Variants in CNBD1 observed in about 807,000 individuals in gnomAD.
CNBD1 encodes the protein cyclic nucleotide binding domain containing 1, also known as cyclic nucleotide-binding domain-containing protein 1.
Under a neutral mutation model 54.4 loss-of-function variants are expected in CNBD1, and 71 were observed. The ratio of observed to expected loss-of-function variants is 1.30; its 90% CI spans 1.08 to 1.59. CNBD1 has a LOEUF of 1.59. CNBD1 is among the 40% of genes most tolerant of loss of function. The pLI is 0.00. For synonymous variants in CNBD1, 182 were observed against 170.7 expected (o/e 1.07, Z -0.51); for missense variants, 659 against 518.0 (o/e 1.27, Z -2.64).
intron 6 of CNBD1, among the ~76,000 whole-genome samples, chr8:87,256,518 A>T (rs781261535): frequency 4.6e-5 from 7 of 151,908 alleles, no homozygotes; most frequent in Non-Finnish European, 7.4e-5. Context: ...ACTGATACAG[A>T]TGAAGTGCCT....
At chr8:87,000,931 A>C (rs1586190488) in intron 4 of CNBD1, among the ~76,000 whole-genome samples, 2 of 152,108 alleles carry the variant, frequency 1.3e-5, no homozygotes, top group African/African-American at 4.8e-5. Context: ...TTTTCCTGCT[A>C]CCTGCTGTTT....
At chr8:87,344,226 AG>A (rs1810124400) in intron 8 of CNBD1, among the ~76,000 whole-genome samples, 1 of 152,102 alleles carries the variant, frequency 6.6e-6, no homozygotes, top group East Asian at 1.9e-4. Context: ...ATCAATAGGA[AG>A]AAAATATGGG....
chr8:87,363,637 G>A (rs895981782), intron 10 of CNBD1, among the ~76,000 whole-genome samples: 4 of 151,356 alleles, frequency 2.6e-5, no homozygotes, highest in African/African-American at 9.7e-5. Flanking sequence ...ATGTTTGTTA[G>A]CTGCTAAATG....
intron 2 of CNBD1, among the ~76,000 whole-genome samples, chr8:87,412,388 A>G (rs1807760989): frequency 6.6e-6 from 1 of 152,120 alleles, no homozygotes; most frequent in African/African-American, 2.4e-5. Flanking sequence ...TGGTTACTCG[A>G]TATGACCAGG....
intron 3 of CNBD1, among the ~76,000 whole-genome samples, chr8:86,937,575 T>C (rs190806082): frequency 6.6e-6 from 1 of 152,312 alleles, no homozygotes; most frequent in Admixed American, 6.5e-5. Context: ...AATTTTTGAC[T>C]TCTGTGCACC....
chr8:87,275,487 A>G (rs185655368), intron 6 of CNBD1, among the ~76,000 whole-genome samples: 1 of 151,488 alleles, frequency 6.6e-6, no homozygotes, highest in East Asian at 1.9e-4. Context: ...AGGAGGTCCA[A>G]TAGATGCAGA....
At chr8:87,193,253 A>G (rs1486600881) in intron 4 of CNBD1, among the ~76,000 whole-genome samples, 1 of 152,236 alleles carries the variant, frequency 6.6e-6, no homozygotes, top group Non-Finnish European at 1.5e-5. Context: ...GACCAATATT[A>G]AAAGAATGTG....
chr8:87,079,041 A>G (rs1037209420), intron 4 of CNBD1, among the ~76,000 whole-genome samples: 5 of 146,496 alleles, frequency 3.4e-5, no homozygotes, highest in African/African-American at 7.4e-5. Flanking sequence ...GACCCAGGAA[A>G]CTACCAATTT....
intron 4 of CNBD1, among the ~76,000 whole-genome samples, chr8:86,975,946 C>T (rs1223577903): frequency 6.6e-6 from 1 of 151,810 alleles, no homozygotes; most frequent in African/African-American, 2.4e-5. Context: ...GGTGATATTT[C>T]ATTTTGGTTT....
rs181514049 is a variant in CNBD1, at chr8:86,990,897, G to A, written c.431+51143G>A. Among the ~76,000 whole-genome samples the A allele has an allele frequency of 2.4e-3, 363 of 152,010 alleles. 2 individuals are homozygous for A. Among genetic ancestry groups the A allele is most frequent in the African/African-American group, 8.5e-3 (353 of 41,494 alleles). On this transcript the variant is annotated intron_variant, in intron 4 of 10. Coordinates refer to ENST00000518476, the MANE Select transcript of CNBD1 (RefSeq NM_173538.3). ...ATGTTTTATAGTTTTCATTTTAGAGGTCTTTCACTCTTTGGTAAATTTCTA... is the reference window on the plus strand; with the variant it reads ...ATGTTTTATAGTTTTCATTTTAGAGATCTTTCACTCTTTGGTAAATTTCTA...
intron 4 of CNBD1, among the ~76,000 whole-genome samples, chr8:87,108,738 C>T (rs1811596820): frequency 6.6e-6 from 1 of 152,002 alleles, no homozygotes; most frequent in African/African-American, 2.4e-5. Flanking sequence ...GGTTACTTAC[C>T]TTTTCTTTAC....
intron 8 of CNBD1, among the ~76,000 whole-genome samples, chr8:87,336,678 C>T (rs1586025637): frequency 1.3e-5 from 2 of 152,242 alleles, no homozygotes; most frequent in East Asian, 3.9e-4. Flanking sequence ...TATTACCCAC[C>T]TTCTGAAGCC....
In CNBD1 at chr8:87,301,930, T is replaced by A. The variant is rs553101613; in HGVS notation, c.1042+15259T>A. Among the ~76,000 whole-genome samples, 111 of 152,230 alleles carry A rather than the reference T, an allele frequency of 7.3e-4. 1 individual carries two copies. Among genetic ancestry groups the A allele is most frequent in the Non-Finnish European group, 9.4e-4 (64 of 68,018 alleles). ...CTCGACACATATACCCGCCCAAGAT[T>A]AAACCAGGAAGAATTTGAATCTCTG... On this transcript the variant is annotated intron_variant, in intron 8 of 10. Coordinates refer to ENST00000518476, the MANE Select transcript of CNBD1 (RefSeq NM_173538.3).
intron 4 of CNBD1, among the ~76,000 whole-genome samples, chr8:87,134,942 A>G (rs1337120443): frequency 6.6e-6 from 1 of 152,082 alleles, no homozygotes; most frequent in African/African-American, 2.4e-5. Flanking sequence ...ACAAACTTAA[A>G]AAATTCTGCG....
At chr8:87,202,433 G>A (rs1435055201) in intron 4 of CNBD1, among the ~76,000 whole-genome samples, 3 of 152,146 alleles carry the variant, frequency 2.0e-5, no homozygotes, top group East Asian at 1.9e-4. Flanking sequence ...ACGTGGAGCA[G>A]CAAGTATCAG....
At chr8:87,190,940 T>TAGATAC (rs1291558331) in intron 4 of CNBD1, among the ~76,000 whole-genome samples, 1 of 92,646 alleles carries the variant, frequency 1.1e-5, no homozygotes, top group African/African-American at 4.0e-5. Context: ...GATATAGATA[T>TAGATAC]AGATACATAT....
intron 4 of CNBD1, among the ~76,000 whole-genome samples, chr8:87,090,180 G>A (rs900221055): frequency 1.3e-5 from 2 of 152,080 alleles, no homozygotes; most frequent in Admixed American, 6.6e-5. Context: ...AACACTGTTT[G>A]TTCATTCCTT....
intron 8 of CNBD1, among the ~76,000 whole-genome samples, chr8:87,313,293 G>T (rs1809307897): frequency 6.6e-6 from 1 of 152,140 alleles, no homozygotes; most frequent in East Asian, 1.9e-4. Context: ...GTCATAGAAT[G>T]TAAAATGTAA....
chr8:86,981,402 G>A (rs561135632), intron 4 of CNBD1, among the ~76,000 whole-genome samples: 1 of 151,852 alleles, frequency 6.6e-6, no homozygotes, highest in Non-Finnish European at 1.5e-5. Context: ...TGTTCTCTTG[G>A]TAACATCACA....
Sources: gnomAD v4.1 joint callset for allele counts (sites outside exome capture counted in the v4.1 genomes callset) on GRCh38, gnomAD v4.1.1 for gene constraint, MANE v1.5 for transcripts, NCBI Gene and HGNC (gene_info 2026-07-23, HGNC 2026-07-21) for gene names.